SFXN5: variants seen among roughly 807,000 people sequenced by gnomAD.
The protein encoded by SFXN5 is sideroflexin-5.
SFXN5 carries 43 observed loss-of-function variants against 50.2 expected under a neutral mutation model. That is an observed-to-expected ratio of 0.86 (90% confidence interval 0.67 to 1.11). The LOEUF is 1.11. Among genes scored for constraint, SFXN5 ranks in the 50% least tolerant of loss-of-function variants. The pLI is 0.00. For synonymous variants in SFXN5, 203 were observed against 185.8 expected (o/e 1.09, Z -0.75); for missense variants, 463 against 454.1 (o/e 1.02, Z -0.18).
chr2:72,977,267 A>G (rs891776136), intron 10 of SFXN5, among the ~76,000 whole-genome samples: 1 of 152,208 alleles, frequency 6.6e-6, no homozygotes, highest in Non-Finnish European at 1.5e-5. Flanking sequence ...CGCCCTTTGT[A>G]AAGTAATAGA....
intron 9 of SFXN5, among the ~76,000 whole-genome samples, chr2:72,991,250 G>A (rs554555626): frequency 7.9e-5 from 12 of 152,306 alleles, no homozygotes; most frequent in East Asian, 5.8e-4. Context: ...GAGGAAGAAC[G>A]AAGAGAGAAA....
At chr2:73,034,599 T>C (rs2105898083) in intron 3 of SFXN5, among the ~76,000 whole-genome samples, 1 of 152,240 alleles carries the variant, frequency 6.6e-6, no homozygotes, top group East Asian at 1.9e-4. Flanking sequence ...TTAGGAAAGG[T>C]TGGCTGGTTC....
chr2:73,059,595 ATCCCACCTCCATTTCTC>A, intron 1 of SFXN5: 2 of 984,632 alleles, frequency 2.0e-6, no homozygotes, highest in Non-Finnish European at 2.4e-6. Flanking sequence ...ACCAGTTCTC[ATCCCACCTCCATTTCTC>A]TCCCACCATG....
In SFXN5 at chr2:73,056,063, G is replaced by A. The variant is rs115316200; in HGVS notation, c.171+2465C>T. Among the ~76,000 whole-genome samples the A allele has an allele frequency of 2.2e-3, 328 of 152,284 alleles. 4 individuals carry two copies. Among genetic ancestry groups the A allele is most frequent in the African/African-American group, 7.5e-3 (310 of 41,558 alleles). ...TGAGTCACGAGAATCACTTGAACCCGGGAAGTGGAGGCTGCAATGAGCTGA... is the reference window on the plus strand; with the variant it reads ...TGAGTCACGAGAATCACTTGAACCCAGGAAGTGGAGGCTGCAATGAGCTGA... On this transcript the variant is annotated intron_variant, in intron 2 of 13. Coordinates refer to ENST00000272433, the MANE Select transcript of SFXN5 (RefSeq NM_144579.3).
Position 72,944,792 on chromosome 2 carries a change from C to G in SFXN5, c.*230G>C, listed in dbSNP as rs770426500. 5 of 510,378 alleles carry G rather than the reference C, an allele frequency of 9.8e-6. No homozygotes were observed. The highest frequency in any genetic ancestry group is 3.7e-5 in the Admixed American group (1 of 27,318). 31.6% of individuals were successfully genotyped at this position (510,378 alleles called of 1,614,324 possible). On this transcript the variant is annotated 3_prime_UTR_variant, in exon 14 of 14. Transcript: ENST00000272433. ...GAGTTTTGACAACCCCACATAAGGC[C>G]CAGAAATGCACTTGATTATTTTTTT...
rs559929517 is a variant in SFXN5, at chr2:72,953,130, G to C, written c.945+8001C>G. On this transcript the variant is annotated intron_variant, in intron 13 of 13. Transcript: ENST00000272433. The surrounding 1 kb of genome is among the most constrained non-coding windows in gnomAD (Gnocchi z 4.1). The stretch of plus-strand genomic sequence containing the variant: ...CTGTGTGCACGCGCAGGTTTGGGGT[G>C]GGGGTGTGGGGAACAGGCAAAATGA... Among the ~76,000 whole-genome samples the C allele has an allele frequency of 6.6e-6, 1 of 152,310 alleles. No individual in the cohort carries two copies. The highest frequency in any genetic ancestry group is 2.1e-4 in the South Asian group (1 of 4,832).
chr2:72,971,244 C>A (rs1285922725), intron 11 of SFXN5, among the ~76,000 whole-genome samples: 3 of 152,080 alleles, frequency 2.0e-5, no homozygotes, highest in African/African-American at 7.2e-5. Context: ...CGGGCAGAGG[C>A]AAGGGGAAGA....
At chr2:73,049,058 T>A (rs1680888892) in intron 2 of SFXN5, 1 of 152,246 alleles carries the variant, frequency 6.6e-6, no homozygotes, top group African/African-American at 2.4e-5. Context: ...TTTTTAGTAT[T>A]ACTATGTTAT....
intron 10 of SFXN5, among the ~76,000 whole-genome samples, chr2:72,985,503 C>T (rs890669953): frequency 3.4e-5 from 5 of 147,010 alleles, no homozygotes; most frequent in East Asian, 4.1e-4. Flanking sequence ...TAGGGCAGTC[C>T]GCAAGTGTCC....
intron 3 of SFXN5, among the ~76,000 whole-genome samples, chr2:73,035,089 C>T (rs985741170): frequency 1.3e-5 from 2 of 152,182 alleles, no homozygotes; most frequent in East Asian, 1.9e-4. Context: ...TGGGTTGATA[C>T]AGGTACCTAC....
intron 3 of SFXN5, among the ~76,000 whole-genome samples, chr2:73,039,977 AT>A (rs1401919109): frequency 6.6e-6 from 1 of 151,614 alleles, no homozygotes; most frequent in Non-Finnish European, 1.5e-5. Context: ...TGCCCGGCTG[AT>A]TTTTTGTCTT....
chr2:73,023,148 C>T (rs374392634), intron 4 of SFXN5, 40 bp downstream of exon 4: 11 of 1,591,184 alleles, frequency 6.9e-6, no homozygotes, highest in African/African-American at 4.0e-5. Flanking sequence ...GAGTCCAGGA[C>T]AACACGGAGA....
rs1227961022 is a variant in SFXN5 at position 73,008,114 on chromosome 2, C to T, written c.358-6536G>A. Among the ~76,000 whole-genome samples, 6 of 152,198 alleles carry T rather than the reference C, an allele frequency of 3.9e-5. No homozygotes were observed. The East Asian group carries it at 5.8e-4, about 15-fold the overall frequency. On this transcript the variant is annotated intron_variant, in intron 6 of 13. Transcript: ENST00000272433. ...GAAACACCCCTGGAGATGAAGTGGC[C>T]GACACCAGCATCTTCTGATACTTAG...
intron 13 of SFXN5, among the ~76,000 whole-genome samples, chr2:72,947,006 C>A (rs1672020865): frequency 6.6e-6 from 1 of 152,216 alleles, no homozygotes; most frequent in East Asian, 1.9e-4. Flanking sequence ...CCCCGTCCTA[C>A]TTCCATTCCT....
intron 1 of SFXN5, among the ~76,000 whole-genome samples, chr2:73,063,652 T>C (rs528074865): frequency 6.6e-6 from 1 of 152,320 alleles, no homozygotes; most frequent in East Asian, 1.9e-4. Flanking sequence ...AGATGGTTCA[T>C]TCCTAATGAT....
chr2:73,067,603 T>A (rs1366950301), intron 1 of SFXN5, among the ~76,000 whole-genome samples: 1 of 152,190 alleles, frequency 6.6e-6, no homozygotes, highest in Non-Finnish European at 1.5e-5. Flanking sequence ...AGAGTCCTTA[T>A]TTTTTAGAGA....
At chr2:73,051,852 G>A (rs562007243) in intron 2 of SFXN5, among the ~76,000 whole-genome samples, 1 of 152,232 alleles carries the variant, frequency 6.6e-6, no homozygotes, top group East Asian at 1.9e-4. Context: ...AGGGAAGAAG[G>A]CAGAAAGGCA....
At chr2:73,021,287 A>G (rs1015274357) in intron 5 of SFXN5, among the ~76,000 whole-genome samples, 9 of 152,194 alleles carry the variant, frequency 5.9e-5, no homozygotes, top group African/African-American at 1.7e-4. Flanking sequence ...GTTCTAGACC[A>G]GCCTGGCCAA....
chr2:73,006,051 TCTGA>T (rs2105733028), intron 6 of SFXN5, among the ~76,000 whole-genome samples: 2 of 152,264 alleles, frequency 1.3e-5, no homozygotes, highest in South Asian at 4.1e-4. Flanking sequence ...TCTAACTTGC[TCTGA>T]CTGACAGCAC....
Sources: allele counts gnomAD v4.1 joint callset (sites outside exome capture counted in the v4.1 genomes callset), GRCh38; gene constraint gnomAD v4.1.1; non-coding constraint Gnocchi (gnomAD v3.1); transcripts MANE v1.5; gene names NCBI Gene and HGNC (gene_info 2026-07-23, HGNC 2026-07-21).